ITFG1: variants seen among roughly 807,000 people sequenced by gnomAD.
The protein encoded by ITFG1 is T-cell immunomodulatory protein.
ITFG1 carries 34 observed loss-of-function variants against 81.8 expected under a neutral mutation model. The ratio of observed to expected loss-of-function variants is 0.42; its 90% CI spans 0.32 to 0.55. The LOEUF is 0.55. Among genes scored for constraint, ITFG1 ranks in the 20% least tolerant of loss-of-function variants. The pLI, the probability that ITFG1 is intolerant of heterozygous loss-of-function variation, is 0.17. For missense variants in ITFG1, 672 were observed against 755.4 expected, an observed-to-expected ratio of 0.89 and a Z score of 1.29; for synonymous variants, 285 against 270.6, an observed-to-expected ratio of 1.05 and a Z score of -0.52.
chr16:47,412,699 A>G (rs1000802836), intron 6 of ITFG1, among the ~76,000 whole-genome samples: 9 of 150,450 alleles, frequency 6.0e-5, no homozygotes, highest in African/African-American at 2.0e-4. Context: ...CTGTCTCAAA[A>G]AAAAAAAAAA....
Position 47,458,817 on chromosome 16 carries a change from C to T in ITFG1, c.281+286G>A, listed in dbSNP as rs1037171216. 2.6e-5 allele frequency among the ~76,000 whole-genome samples: 4 copies of T among 151,644 alleles called. No homozygotes were observed. The East Asian group carries it at 5.8e-4, about 22-fold the overall frequency. On this transcript the variant is annotated intron_variant, in intron 2 of 17. Coordinates refer to ENST00000320640, the MANE Select transcript of ITFG1 (RefSeq NM_030790.5). ...TGCTGCCTCAAGATGAGGCACAGAA[C>T]GAGACACATTCAAGAAGGGATACGA...
chr16:47,362,073 G>A (rs1387005114), intron 8 of ITFG1, among the ~76,000 whole-genome samples: 1 of 152,066 alleles, frequency 6.6e-6, no homozygotes. Flanking sequence ...ACCTATCTTT[G>A]TGAATAGTAT....
intron 10 of ITFG1, among the ~76,000 whole-genome samples, chr16:47,303,144 G>A (rs970249413): frequency 2.6e-5 from 4 of 151,976 alleles, no homozygotes; most frequent in African/African-American, 9.7e-5. Context: ...GGTGGCGGGC[G>A]CCTGTAGTCC....
chr16:47,402,003 T>C (rs1968667330), intron 6 of ITFG1, among the ~76,000 whole-genome samples: 3 of 152,308 alleles, frequency 2.0e-5, no homozygotes, highest in South Asian at 2.1e-4. Context: ...CATGATGACA[T>C]ATTTTCTCGT....
intron 14 of ITFG1, among the ~76,000 whole-genome samples, chr16:47,184,696 G>A (rs1385607549): frequency 3.9e-5 from 6 of 151,916 alleles, no homozygotes; most frequent in South Asian, 2.1e-4. Context: ...AAAGACCATC[G>A]AGACTAGGAA....
chr16:47,261,140 T>C (rs565994315), intron 10 of ITFG1, among the ~76,000 whole-genome samples: 29 of 152,364 alleles, frequency 1.9e-4, no homozygotes, highest in African/African-American at 6.5e-4. Context: ...AGGGCAGATA[T>C]TGCCAAGCAT....
chr16:47,226,715 T>G (rs1460273968), intron 13 of ITFG1, among the ~76,000 whole-genome samples: 1 of 151,918 alleles, frequency 6.6e-6, no homozygotes, highest in African/African-American at 2.4e-5. Flanking sequence ...AGGCTGAATT[T>G]TTTTCATCTA....
chr16:47,451,827 G>T (rs1348998763), intron 4 of ITFG1, among the ~76,000 whole-genome samples: 4 of 152,194 alleles, frequency 2.6e-5, no homozygotes, highest in Admixed American at 6.5e-5. Flanking sequence ...GTAAGAGCAA[G>T]AAATAAATTC....
At chr16:47,200,937 C>T (rs941650377) in intron 14 of ITFG1, among the ~76,000 whole-genome samples, 12 of 152,162 alleles carry the variant, frequency 7.9e-5, no homozygotes, top group Admixed American at 2.6e-4. Context: ...TAATACATCA[C>T]CAATTTACTA....
Position 47,155,088 on chromosome 16 carries a change from C to G in ITFG1, c.*631G>C, listed in dbSNP as rs1964683115. On this transcript the variant is annotated 3_prime_UTR_variant, in exon 18 of 18. Coordinates refer to ENST00000320640, the MANE Select transcript of ITFG1 (RefSeq NM_030790.5). ...TCATCCCATTTAATGTTTACAGTAA[C>G]TCAAGTATTAGCCCCACTGAATAAA... 6.6e-6 allele frequency: 1 copy of G among 152,220 alleles called. No homozygotes were observed. The highest frequency in any genetic ancestry group is 2.4e-5 in the African/African-American group (1 of 41,460). 9.4% of individuals were successfully genotyped at this position (152,220 alleles called of 1,614,324 possible).
chr16:47,353,455 A>G (rs1025152539), intron 8 of ITFG1, among the ~76,000 whole-genome samples: 1 of 152,184 alleles, frequency 6.6e-6, no homozygotes, highest in South Asian at 2.1e-4. Context: ...TGAAAAGGAA[A>G]AAGTTGAAAG....
chr16:47,305,278 G>A (rs1478566139), intron 10 of ITFG1, among the ~76,000 whole-genome samples: 1 of 152,116 alleles, frequency 6.6e-6, no homozygotes, highest in East Asian at 1.9e-4. Flanking sequence ...TATTTTCTGG[G>A]TTGCTTTCAC....
chr16:47,412,453 C>T (rs747561837), intron 6 of ITFG1, among the ~76,000 whole-genome samples: 1 of 151,898 alleles, frequency 6.6e-6, no homozygotes, highest in Non-Finnish European at 1.5e-5. Flanking sequence ...AGGCTGGGCA[C>T]GGTGGCTCAC....
At chr16:47,160,400 TG>T (rs1964785635) in intron 16 of ITFG1, among the ~76,000 whole-genome samples, 4 of 152,166 alleles carry the variant, frequency 2.6e-5, no homozygotes, top group Admixed American at 1.3e-4. Flanking sequence ...TTGTTGTTAT[TG>T]TTTTTTGCTT....
In ITFG1 at chr16:47,400,184, T is replaced by C. The variant is rs1326200861; in HGVS notation, c.656-24244A>G. On this transcript the variant is annotated intron_variant, in intron 6 of 17. Coordinates refer to ENST00000320640, the MANE Select transcript of ITFG1 (RefSeq NM_030790.5). Reference sequence around the variant, plus strand: ...AACCATGAGGCTCCACTGTCTTTCTTTGCAATTGGCTTGCTTGTACTTTCC... The same window carrying C: ...AACCATGAGGCTCCACTGTCTTTCTCTGCAATTGGCTTGCTTGTACTTTCC... 2.0e-5 allele frequency among the ~76,000 whole-genome samples: 3 copies of C among 152,210 alleles called. No homozygotes were observed. In the East Asian group the frequency reaches 5.8e-4, roughly 29 times the overall value.
At chr16:47,372,079 A>AT (rs1968263153) in intron 7 of ITFG1, among the ~76,000 whole-genome samples, 1 of 151,648 alleles carries the variant, frequency 6.6e-6, no homozygotes, top group Non-Finnish European at 1.5e-5. Flanking sequence ...CACCCAGCTA[A>AT]TTTTCTGTAT....
intron 8 of ITFG1, among the ~76,000 whole-genome samples, chr16:47,321,304 G>A (rs1452108404): frequency 6.6e-6 from 1 of 152,180 alleles, no homozygotes; most frequent in Non-Finnish European, 1.5e-5. Context: ...TCTGAATATA[G>A]ACAGAAATAA....
In ITFG1 at chr16:47,311,359, C is replaced by T. The variant is rs1219227934; in HGVS notation, c.951G>A (p.Val317=). 1.2e-6 allele frequency: 2 copies of T among 1,613,764 alleles called. No homozygotes were observed. Among genetic ancestry groups the T allele is most frequent in the Admixed American group, 1.7e-5 (1 of 59,982 alleles). The part of the protein sequence containing the change: ...FSNKGTLWGF[V]PFVDEQQPTE... ...TTGGTTGCTGTTCATCCACAAATGG[C>T]ACAAAGCCCCAGAGTGTGCCCTTAT... is the stretch of plus-strand genomic sequence containing the variant. Residue 317 remains valine, a synonymous_variant, in exon 10 of 18, where the codon GTG becomes GTA. Coordinates refer to ENST00000320640, the MANE Select transcript of ITFG1 (RefSeq NM_030790.5).
chr16:47,356,528 T>C (rs116282722), intron 8 of ITFG1, among the ~76,000 whole-genome samples: 3,408 of 152,150 alleles, frequency 0.022, 125 homozygotes, highest in African/African-American at 0.076. Flanking sequence ...AACAGGAAAA[T>C]AGGATTGCTT....
Sources: allele counts gnomAD v4.1 joint callset (sites outside exome capture counted in the v4.1 genomes callset), GRCh38; gene constraint gnomAD v4.1.1; transcripts MANE v1.5; gene names NCBI Gene and HGNC (gene_info 2026-07-23, HGNC 2026-07-21).